Variants in ZBTB45 observed in about 807,000 individuals in gnomAD.
ZBTB45 encodes zinc finger and BTB domain containing 45.
In ZBTB45, 22 loss-of-function variants were observed where a neutral mutation model predicts 28.4. That is an observed-to-expected ratio of 0.77 (90% confidence interval 0.55 to 1.10). The LOEUF (loss-of-function observed/expected upper bound fraction) is 1.10, where lower values mean the gene tolerates loss of function less well. ZBTB45 is among the 50% of genes least tolerant of loss of function. The pLI, the probability that ZBTB45 is intolerant of heterozygous loss-of-function variation, is 0.00. For missense variants in ZBTB45, 656 were observed against 750.2 expected (o/e 0.87, Z 1.47); for synonymous variants, 361 against 332.3 (o/e 1.09, Z -0.94).
intron 1 of ZBTB45, among the ~76,000 whole-genome samples, chr19:58,517,905 C>A (rs1600060750): frequency 6.6e-6 from 1 of 151,914 alleles, no homozygotes; most frequent in East Asian, 1.9e-4. Context: ...TACAGCCCCC[C>A]ATTAACGCTG....
chr19:58,521,919 G>A (rs987139286), upstream of ZBTB45, among the ~76,000 whole-genome samples: 1 of 152,104 alleles, frequency 6.6e-6, no homozygotes. Context: ...GACAGACAGG[G>A]TCAGGATGCC....
upstream of ZBTB45, among the ~76,000 whole-genome samples, chr19:58,522,534 C>T (rs902161841): frequency 5.9e-5 from 9 of 151,728 alleles, no homozygotes; most frequent in South Asian, 2.1e-4. Flanking sequence ...ACTTGGGAGG[C>T]GGAGGCAGGA....
chr19:58,533,554 A>C (rs2053644928), intron 1 of ZBTB45, among the ~76,000 whole-genome samples: 1 of 151,874 alleles, frequency 6.6e-6, no homozygotes, highest in African/African-American at 2.4e-5. Flanking sequence ...GACAGAATAA[A>C]GTTTTTTTTT....
intron 1 of ZBTB45, among the ~76,000 whole-genome samples, chr19:58,534,294 G>T (rs997471816): frequency 2.6e-5 from 4 of 152,158 alleles, no homozygotes; most frequent in Non-Finnish European, 4.4e-5. Context: ...ATAGATAGAG[G>T]TGGTGGCTGC....
upstream of ZBTB45, among the ~76,000 whole-genome samples, chr19:58,524,433 ATATGTGTGTGTGTGTGTG>A (rs2053596157): frequency 9.0e-5 from 10 of 111,718 alleles, no homozygotes; most frequent in African/African-American, 1.5e-4. Flanking sequence ...GTGTGTTCAT[ATATGTGTGTGTGTGTGTG>A]TGTGTGTGTG....
At chr19:58,517,725 G>T in intron 1 of ZBTB45, 52 bp from the exon 2 acceptor site, 1 of 1,522,170 alleles carries the variant, frequency 6.6e-7, no homozygotes, top group South Asian at 1.2e-5. Context: ...ACCCCCATCT[G>T]TCCCAACGTC....
chr19:58,524,877 C>T (rs1391082862), intron 1 of ZBTB45, among the ~76,000 whole-genome samples: 7 of 138,944 alleles, frequency 5.0e-5, no homozygotes, highest in Middle Eastern at 3.5e-3. Flanking sequence ...AGTGAGACTC[C>T]GTCTCAAAAA....
At chr19:58,534,427 A>G (rs943346242) in intron 1 of ZBTB45, among the ~76,000 whole-genome samples, 5 of 151,970 alleles carry the variant, frequency 3.3e-5, no homozygotes, top group South Asian at 2.1e-4. Context: ...CAGAATCTCT[A>G]TCTCCAGGCT....
At chr19:58,538,652 G>A (rs568159387) in intron 1 of ZBTB45, 2 of 152,374 alleles carry the variant, frequency 1.3e-5, no homozygotes, top group African/African-American at 2.4e-5. Flanking sequence ...GGGGCCCGGG[G>A]AGGCAGTGCC....
upstream of ZBTB45, among the ~76,000 whole-genome samples, chr19:58,524,507 G>A (rs1170032111): frequency 2.0e-5 from 3 of 148,464 alleles, no homozygotes; most frequent in Admixed American, 1.4e-4. Flanking sequence ...TGGTTGTGGG[G>A]GCATTTCAAG....
At chr19:58,521,920 TC>T (rs1364216065), upstream of ZBTB45, among the ~76,000 whole-genome samples, 2 of 152,018 alleles carry the variant, frequency 1.3e-5, no homozygotes, top group Admixed American at 6.6e-5. Flanking sequence ...ACAGACAGGG[TC>T]AGGATGCCTG....
At chr19:58,533,015 T>A (rs907753627) in intron 1 of ZBTB45, among the ~76,000 whole-genome samples, 1 of 151,936 alleles carries the variant, frequency 6.6e-6, no homozygotes, top group Admixed American at 6.6e-5. Context: ...TGTATTTTTT[T>A]AGTAGAGATG....
At position 58,515,279 on chromosome 19, in the gene ZBTB45, G is replaced by T. The variant is rs147679819; in HGVS notation, c.1280-969C>A. ...TGCAGTGAGCCGAGATCACACCACT[G>T]CACTCCAGCCTGGGCAACAGAGGGA... On this transcript the variant is annotated intron_variant, in intron 2 of 2. Coordinates refer to ENST00000594051, the MANE Select transcript of ZBTB45 (RefSeq NM_001316979.2). This position sits in a 1 kb window ranked among gnomAD's most constrained non-coding sequence, Gnocchi z 4.7. Among the ~76,000 whole-genome samples the T allele has an allele frequency of 6.6e-6, 1 of 151,374 alleles. No homozygotes were observed. The highest frequency in any genetic ancestry group is 2.4e-5 in the African/African-American group (1 of 41,164).
At chr19:58,518,073 G>C (rs1471755141) in intron 1 of ZBTB45, among the ~76,000 whole-genome samples, 2 of 135,224 alleles carry the variant, frequency 1.5e-5, no homozygotes, top group African/African-American at 5.5e-5. Context: ...GGGCAGCCCG[G>C]TGTGTAGAAG....
At position 58,517,206 on chromosome 19, in the gene ZBTB45, C is replaced by G; in HGVS notation, c.468G>C (p.Leu156=). 6.2e-7 allele frequency: 1 copy of G among 1,602,974 alleles called. No homozygotes were observed. The highest frequency in any genetic ancestry group is 1.7e-5 in the Admixed American group (1 of 59,608). ...PAQLRHRLRH[L]LAARPPGHPG... ...GGTGCCCCGGGGGACGTGCAGCCAGCAGGTGGCGCAGGCGGTGACGCAGCT... is the reference window on the plus strand; with the variant it reads ...GGTGCCCCGGGGGACGTGCAGCCAGGAGGTGGCGCAGGCGGTGACGCAGCT... The change falls in exon 2 of 3, where the codon CTG becomes CTC. Residue 156 remains leucine (L), a synonymous_variant. Coordinates refer to ENST00000594051, the MANE Select transcript of ZBTB45 (RefSeq NM_001316979.2).
Position 58,514,315 on chromosome 19 carries a change from G to C in ZBTB45, c.1280-5C>G. 6.3e-7 allele frequency: 1 copy of C among 1,596,800 alleles called. No homozygotes were observed. The highest frequency in any genetic ancestry group is 8.6e-7 in the Non-Finnish European group (1 of 1,168,836). The stretch of plus-strand genomic sequence containing the variant: ...CGCACTGGTGCGGCTTCTCCCCTGC[G>C]GAAGACAGGGCGGGCCGCGAACGCA... On this transcript the variant is annotated splice_polypyrimidine_tract_variant and splice_region_variant and intron_variant, in intron 2 of 2. Transcript: ENST00000594051.
chr19:58,522,500 T>G (rs2053584131), upstream of ZBTB45, among the ~76,000 whole-genome samples: 1 of 151,296 alleles, frequency 6.6e-6, no homozygotes, highest in Non-Finnish European at 1.5e-5. Flanking sequence ...CTGGGCGTGG[T>G]GGCGGGTGCC....
upstream of ZBTB45, among the ~76,000 whole-genome samples, chr19:58,522,925 T>C (rs1405646069): frequency 1.3e-5 from 2 of 152,106 alleles, no homozygotes; most frequent in African/African-American, 4.8e-5. Context: ...TAAGGGGCTG[T>C]AGGGAAGACA....
rs1172957255 is a variant in ZBTB45 at position 58,537,874 on chromosome 19, G to T, written c.-1+827C>A. On this transcript the variant is annotated intron_variant, in intron 1 of 1. Transcript: ENST00000600130. Reference sequence around the variant, plus strand: ...TTTTTTGAGACAGAGTTTCACTCTTGTTGCCCAGGCTGGAGTGCAATGGCC... The same window carrying T: ...TTTTTTGAGACAGAGTTTCACTCTTTTTGCCCAGGCTGGAGTGCAATGGCC... Among the ~76,000 whole-genome samples the T allele has an allele frequency of 1.0e-4, 15 of 145,712 alleles. No homozygotes were observed. In the East Asian group the frequency reaches 2.8e-3, roughly 27 times the overall value.
Sources: allele counts gnomAD v4.1 joint callset (sites outside exome capture counted in the v4.1 genomes callset), GRCh38; gene constraint gnomAD v4.1.1; non-coding constraint Gnocchi (gnomAD v3.1); transcripts MANE v1.5; gene names NCBI Gene and HGNC (gene_info 2026-07-23, HGNC 2026-07-21).